The following N4BP1 variants were observed in gnomAD, a reference collection of about 807,000 sequenced individuals.
The protein encoded by N4BP1 is NEDD4 binding protein 1, also known as NEDD4-binding protein 1.
Under a neutral mutation model 70.9 loss-of-function variants are expected in N4BP1, and 21 were observed. The observed-to-expected ratio is 0.30, with a 90% CI of 0.21 to 0.43. The LOEUF (loss-of-function observed/expected upper bound fraction) is 0.43. Among genes scored for constraint, N4BP1 ranks in the 20% least tolerant of loss-of-function variants. The probability of loss-of-function intolerance (pLI) is 1.00; values close to 1 mark genes in which losing one functional copy is unlikely to be tolerated. For missense variants in N4BP1, 936 were observed against 1,069.4 expected, an observed-to-expected ratio of 0.88 and a Z score of 1.74; for synonymous variants, 387 against 394.6, an observed-to-expected ratio of 0.98 and a Z score of 0.23.
rs74747771 is a variant in N4BP1 at position 48,600,156 on chromosome 16, G to C, written c.198+9619C>G. The stretch of plus-strand genomic sequence containing the variant: ...ATTTGGTTGGTGGTGACCCATGCAG[G>C]TTTAACATGTGTACTGTGAAGTGTT... On this transcript the variant is annotated intron_variant, in intron 1 of 6. Transcript: ENST00000262384. 2.2e-3 allele frequency: 1,160 copies of C among 525,050 alleles called. 7 individuals carry two copies. Among genetic ancestry groups the C allele is most frequent in the Middle Eastern group, 0.011 (29 of 2,736 alleles). 32.5% of individuals were successfully genotyped at this position (525,050 alleles called of 1,614,324 possible).
At chr16:48,549,265 G>T (rs1963631750) in intron 4 of N4BP1, among the ~76,000 whole-genome samples, 1 of 152,196 alleles carries the variant, frequency 6.6e-6, no homozygotes, top group Non-Finnish European at 1.5e-5. Flanking sequence ...ATATGATTTA[G>T]TTCTTTGGCT....
intron 1 of N4BP1, among the ~76,000 whole-genome samples, chr16:48,590,670 T>C (rs1156929329): frequency 6.6e-6 from 1 of 152,208 alleles, no homozygotes; most frequent in Non-Finnish European, 1.5e-5. Flanking sequence ...ATGAATTTAA[T>C]TGCAATGGAG....
chr16:48,584,620 C>T (rs376932846), intron 1 of N4BP1, among the ~76,000 whole-genome samples: 1 of 139,126 alleles, frequency 7.2e-6, no homozygotes, highest in Non-Finnish European at 1.6e-5. Flanking sequence ...CAAAAAAAAA[C>T]AAACCCAGGC....
Position 48,543,040 on chromosome 16 carries a change from G to A in N4BP1, c.2555C>T (p.Ala852Val), listed in dbSNP as rs1040893709. The part of the protein sequence containing the change: ...NLPMPAQRSS[A>V]ETNELREALL... ...GGCTTCCCTCAGCTCGTTGGTTTCT[G>A]CAGAAGATCTCTGAGCTGGCATGGG... is the stretch of plus-strand genomic sequence containing the variant. Residue 852 changes from alanine to valine, a missense_variant, in exon 7 of 7, where the codon GCA becomes GTA. By Grantham distance (64) the Ala-to-Val change is moderately conservative. Transcript: ENST00000262384. 1.9e-6 allele frequency: 3 copies of A among 1,613,952 alleles called. No individual in the cohort carries two copies. The African/African-American group carries it at 4.0e-5, about 22-fold the overall frequency.
intron 1 of N4BP1, among the ~76,000 whole-genome samples, chr16:48,579,683 A>G (rs1245976957): frequency 6.6e-6 from 1 of 152,220 alleles, no homozygotes; most frequent in East Asian, 1.9e-4. Context: ...AAATGACAAA[A>G]AAAAAAAAAG....
At chr16:48,584,289 G>A (rs955963066) in intron 1 of N4BP1, among the ~76,000 whole-genome samples, 8 of 152,068 alleles carry the variant, frequency 5.3e-5, no homozygotes, top group Non-Finnish European at 7.4e-5. Flanking sequence ...ATCACGTTTC[G>A]GGACCAATGA....
At chr16:48,549,332 G>T (rs1963632686) in intron 4 of N4BP1, among the ~76,000 whole-genome samples, 1 of 152,182 alleles carries the variant, frequency 6.6e-6, no homozygotes, top group Non-Finnish European at 1.5e-5. Context: ...AAGTGGTAAT[G>T]TTTGCCCAGA....
chr16:48,544,568 A>G (rs1295206750), intron 6 of N4BP1, among the ~76,000 whole-genome samples: 1 of 152,224 alleles, frequency 6.6e-6, no homozygotes, highest in Admixed American at 6.5e-5. Context: ...TTAGGTTCAC[A>G]GGAATCTTTA....
chr16:48,599,166 C>T (rs1261372012), intron 1 of N4BP1, among the ~76,000 whole-genome samples: 1 of 152,118 alleles, frequency 6.6e-6, no homozygotes, highest in Non-Finnish European at 1.5e-5. Flanking sequence ...TTTTTTCTTT[C>T]TTTCCAGTAA....
At chr16:48,584,939 C>G (rs555375472) in intron 1 of N4BP1, among the ~76,000 whole-genome samples, 1 of 151,994 alleles carries the variant, frequency 6.6e-6, no homozygotes, top group East Asian at 1.9e-4. Flanking sequence ...TAAATCTATA[C>G]TTTTTTCTTT....
At chr16:48,593,541 GTAT>G (rs1964366243) in intron 1 of N4BP1, among the ~76,000 whole-genome samples, 1 of 152,140 alleles carries the variant, frequency 6.6e-6, no homozygotes, top group Non-Finnish European at 1.5e-5. Flanking sequence ...AGTTAAAGAG[GTAT>G]TATTCTGTTT....
At chr16:48,595,225 G>A (rs1470419712) in intron 1 of N4BP1, among the ~76,000 whole-genome samples, 4 of 151,986 alleles carry the variant, frequency 2.6e-5, no homozygotes, top group Non-Finnish European at 5.9e-5. Context: ...ACTTTGGGAG[G>A]CTGAGGCGGG....
rs1172553436 is a variant in N4BP1, at chr16:48,542,054, A to C, written c.*850T>G. Reference sequence around the variant, plus strand: ...TAACCCGCTACGGTGTTCAGAAGCTAAGACGTGACTTCCAGAGCCAGGCCA... The same window carrying C: ...TAACCCGCTACGGTGTTCAGAAGCTCAGACGTGACTTCCAGAGCCAGGCCA... On this transcript the variant is annotated 3_prime_UTR_variant, in exon 7 of 7. Coordinates refer to ENST00000262384, the MANE Select transcript of N4BP1 (RefSeq NM_153029.4). 2 of 152,596 alleles carry C rather than the reference A, an allele frequency of 1.3e-5. No individual in the cohort carries two copies. Among genetic ancestry groups the C allele is most frequent in the Non-Finnish European group, 2.9e-5 (2 of 68,052 alleles). The allele number at this position is 152,596 out of a possible 1,614,324, so 9.5% of individuals were successfully genotyped here.
intron 1 of N4BP1, chr16:48,600,263 TA>T: frequency 9.3e-7 from 1 of 1,074,192 alleles, no homozygotes; most frequent in Non-Finnish European, 1.4e-6. Context: ...TTTGTAAATC[TA>T]AATGTCATAA....
At chr16:48,573,746 A>AT (rs1488436275) in intron 1 of N4BP1, among the ~76,000 whole-genome samples, 1 of 152,214 alleles carries the variant, frequency 6.6e-6, no homozygotes, top group African/African-American at 2.4e-5. Context: ...CTTACTGTTG[A>AT]TTAGAGGCCT....
chr16:48,593,364 A>G (rs1013079019), intron 1 of N4BP1, among the ~76,000 whole-genome samples: 2 of 152,280 alleles, frequency 1.3e-5, no homozygotes, highest in African/African-American at 4.8e-5. Context: ...TAAGGAAAGC[A>G]GAATGTACTT....
chr16:48,604,070 C>T (rs1964541078), intron 1 of N4BP1, among the ~76,000 whole-genome samples: 2 of 152,318 alleles, frequency 1.3e-5, no homozygotes, highest in South Asian at 4.1e-4. Flanking sequence ...TAAGTTCATA[C>T]TATCTAACCT....
chr16:48,575,372 A>G (rs1456428702), intron 1 of N4BP1, among the ~76,000 whole-genome samples: 1 of 152,168 alleles, frequency 6.6e-6, no homozygotes, highest in Non-Finnish European at 1.5e-5. Flanking sequence ...TTAAGAAAAA[A>G]GGGGGAGGGG....
intron 1 of N4BP1, among the ~76,000 whole-genome samples, chr16:48,571,330 G>GACC (rs1964018106): frequency 6.6e-6 from 1 of 152,130 alleles, no homozygotes; most frequent in Non-Finnish European, 1.5e-5. Context: ...CAAAACAAAT[G>GACC]CTCCCTCAAA....
Sources: allele counts gnomAD v4.1 joint callset (sites outside exome capture counted in the v4.1 genomes callset), GRCh38; gene constraint gnomAD v4.1.1; transcripts MANE v1.5; gene names NCBI Gene and HGNC (gene_info 2026-07-23, HGNC 2026-07-21).